The following GABRG3 variants were observed in gnomAD, a reference collection of about 807,000 sequenced individuals.
The protein encoded by GABRG3 is gamma-aminobutyric acid receptor subunit gamma-3.
Under a neutral mutation model 48.8 loss-of-function variants are expected in GABRG3, and 25 were observed. The ratio of observed to expected loss-of-function variants is 0.51; its 90% CI spans 0.37 to 0.72. The LOEUF (loss-of-function observed/expected upper bound fraction) is 0.72. Among genes scored for constraint, GABRG3 ranks in the 30% least tolerant of loss-of-function variants. The pLI is 0.00. For missense variants in GABRG3, 394 were observed against 577.9 expected, an observed-to-expected ratio of 0.68 and a Z score of 3.26; for synonymous variants, 227 against 217.6, an observed-to-expected ratio of 1.04 and a Z score of -0.38.
chr15:27,250,906 G>A (rs978518643), intron 3 of GABRG3, among the ~76,000 whole-genome samples: 1 of 152,166 alleles, frequency 6.6e-6, no homozygotes. Flanking sequence ...GCGCTTCTCT[G>A]TGTTGTTCCT....
intron 5 of GABRG3, among the ~76,000 whole-genome samples, chr15:27,451,927 G>A (rs1889124245): frequency 6.6e-6 from 1 of 152,202 alleles, no homozygotes; most frequent in Non-Finnish European, 1.5e-5. Flanking sequence ...GAGAGAAAGG[G>A]ACAATACAAA....
chr15:27,055,375 A>T (rs1208768938), intron 3 of GABRG3, among the ~76,000 whole-genome samples: 1 of 152,218 alleles, frequency 6.6e-6, no homozygotes, highest in Non-Finnish European at 1.5e-5. Flanking sequence ...TGCTAATGTT[A>T]TAAGTATTTA....
intron 5 of GABRG3, among the ~76,000 whole-genome samples, chr15:27,444,602 A>C (rs1189930760): frequency 6.6e-6 from 1 of 152,108 alleles, no homozygotes; most frequent in African/African-American, 2.4e-5. Flanking sequence ...TTTGTCTTTT[A>C]ATTATAGCTA....
chr15:27,503,547 G>T (rs1166820939), intron 6 of GABRG3, among the ~76,000 whole-genome samples: 1 of 151,946 alleles, frequency 6.6e-6, no homozygotes, highest in Non-Finnish European at 1.5e-5. Flanking sequence ...ATAATCTTCT[G>T]GAGATTTGTC....
chr15:27,508,715 CTGTTGT>C (rs754481321), intron 6 of GABRG3, among the ~76,000 whole-genome samples: 1 of 150,738 alleles, frequency 6.6e-6, no homozygotes, highest in Non-Finnish European at 1.5e-5. Context: ...GTTGTTGTTG[CTGTTGT>C]TGTTGTTGTT....
intron 3 of GABRG3, among the ~76,000 whole-genome samples, chr15:27,073,155 C>T (rs1319036111): frequency 6.6e-6 from 1 of 152,180 alleles, no homozygotes; most frequent in Non-Finnish European, 1.5e-5. Context: ...GAAGCAGAGG[C>T]AGAATCCTCT....
At chr15:27,269,225 T>C (rs1415786738) in intron 3 of GABRG3, among the ~76,000 whole-genome samples, 1 of 151,936 alleles carries the variant, frequency 6.6e-6, no homozygotes, top group Non-Finnish European at 1.5e-5. Context: ...TCCTCAGTGG[T>C]ATCCGTGATT....
Position 27,306,242 on chromosome 15 carries a change from CAT to C in GABRG3, c.271-20565_271-20564del, listed in dbSNP as rs373198227. Among the ~76,000 whole-genome samples, 12 of 132,992 alleles carry C rather than the reference CAT, an allele frequency of 9.0e-5. 2 individuals are homozygous for C. Among genetic ancestry groups the C allele is most frequent in the East Asian group, 6.7e-4 (3 of 4,456 alleles). 87.2% of individuals were successfully genotyped at this position (132,992 alleles called of 152,430 possible). ...TATAAACATATGTTCTATATATAAA[CAT>C]AATATAAACATGTCTATATGTAAAC... On this transcript the variant is annotated intron_variant, in intron 3 of 9. Transcript: ENST00000615808.
intron 3 of GABRG3, among the ~76,000 whole-genome samples, chr15:27,182,169 G>C (rs990943057): frequency 1.3e-5 from 2 of 152,124 alleles, no homozygotes; most frequent in African/African-American, 4.8e-5. Flanking sequence ...TCTGGGGATA[G>C]TCCCTGGTGG....
chr15:27,529,060 C>T (rs1891352601), intron 9 of GABRG3, among the ~76,000 whole-genome samples: 1 of 152,066 alleles, frequency 6.6e-6, no homozygotes, highest in African/African-American at 2.4e-5. Context: ...TCCTTCCTAC[C>T]CTCAAAATGA....
At chr15:27,102,175 C>T (rs1400741632) in intron 3 of GABRG3, among the ~76,000 whole-genome samples, 1 of 152,216 alleles carries the variant, frequency 6.6e-6, no homozygotes, top group Non-Finnish European at 1.5e-5. Flanking sequence ...CCATTACACA[C>T]ATGGGCTGCT....
chr15:27,186,695 C>T (rs1484738460), intron 3 of GABRG3, among the ~76,000 whole-genome samples: 1 of 152,142 alleles, frequency 6.6e-6, no homozygotes, highest in African/African-American at 2.4e-5. Context: ...TAACAAAAGC[C>T]ATTCTGATTG....
At chr15:27,028,805 C>CAAA (rs35610809) in intron 3 of GABRG3, among the ~76,000 whole-genome samples, 7 of 102,538 alleles carry the variant, frequency 6.8e-5, no homozygotes, top group African/African-American at 1.8e-4. Context: ...GACTTCATCT[C>CAAA]AAAAAAAAAA....
chr15:27,461,194 A>G (rs112552274), intron 5 of GABRG3, among the ~76,000 whole-genome samples: 1 of 152,142 alleles, frequency 6.6e-6, no homozygotes, highest in East Asian at 1.9e-4. Flanking sequence ...TAATGGCATC[A>G]TCCTCTCCCA....
chr15:27,012,461 G>T (rs1188601211), intron 2 of GABRG3, among the ~76,000 whole-genome samples: 1 of 151,962 alleles, frequency 6.6e-6, no homozygotes, highest in African/African-American at 2.4e-5. Flanking sequence ...CATCACTTTT[G>T]GGAAATTCTT....
chr15:27,334,352 G>A (rs1420700565), intron 5 of GABRG3, among the ~76,000 whole-genome samples: 2 of 152,054 alleles, frequency 1.3e-5, no homozygotes, highest in Admixed American at 1.3e-4. Flanking sequence ...ACCGGACCTC[G>A]ACATAATCTC....
intron 5 of GABRG3, among the ~76,000 whole-genome samples, chr15:27,373,489 G>A (rs1895482664): frequency 6.6e-6 from 1 of 152,084 alleles, no homozygotes; most frequent in Admixed American, 6.5e-5. Flanking sequence ...AAATTATTTG[G>A]ATCTCTGCTA....
At chr15:27,068,059 G>T (rs967642756) in intron 3 of GABRG3, among the ~76,000 whole-genome samples, 6 of 152,318 alleles carry the variant, frequency 3.9e-5, no homozygotes, top group Admixed American at 2.0e-4. Flanking sequence ...CCTAAGGAGG[G>T]ATCATGGCCA....
intron 3 of GABRG3, among the ~76,000 whole-genome samples, chr15:27,143,608 A>G (rs1898145415): frequency 1.3e-5 from 2 of 152,228 alleles, no homozygotes. Flanking sequence ...TCACAACAAC[A>G]TTTGAGATGA....
Sources: allele counts gnomAD v4.1 joint callset (sites outside exome capture counted in the v4.1 genomes callset), GRCh38; gene constraint gnomAD v4.1.1; transcripts MANE v1.5; gene names NCBI Gene and HGNC (gene_info 2026-07-23, HGNC 2026-07-21).